Variants in SPTBN4 observed in about 807,000 individuals in gnomAD.
SPTBN4 encodes spectrin beta chain, non-erythrocytic 4.
A neutral mutation model predicts 277.8 loss-of-function variants in SPTBN4; 96 were observed. The observed-to-expected ratio is 0.35, with a 90% confidence interval of 0.29 to 0.41. SPTBN4 has a LOEUF of 0.41. Ranked by LOEUF, SPTBN4 falls within the 10% of genes least tolerant of loss-of-function variation. SPTBN4 has a pLI of 1.00. For synonymous variants in SPTBN4, 1,481 were observed against 1,580.3 expected (o/e 0.94, Z 1.49); for missense variants, 3,006 against 3,595.7 (o/e 0.84, Z 4.19).
intron 7 of SPTBN4, among the ~76,000 whole-genome samples, chr19:40,501,619 G>A (rs2080263887): frequency 6.6e-6 from 1 of 151,936 alleles, no homozygotes; most frequent in Admixed American, 6.6e-5. Flanking sequence ...AGTGAGTTGA[G>A]ATCGTGCCAT....
chr19:40,473,235 A>G (rs1480923359), intron 2 of SPTBN4, among the ~76,000 whole-genome samples: 1 of 151,702 alleles, frequency 6.6e-6, no homozygotes, highest in Non-Finnish European at 1.5e-5. Flanking sequence ...TTTTTAGTAG[A>G]CACCGGGTTT....
chr19:40,523,071 T>A (rs1162903102), intron 16 of SPTBN4, among the ~76,000 whole-genome samples: 2 of 151,738 alleles, frequency 1.3e-5, no homozygotes, highest in African/African-American at 2.4e-5. Context: ...GAGGTGGAGG[T>A]TGCAGTGAGC....
At chr19:40,481,937 C>CT (rs573402326) in intron 2 of SPTBN4, among the ~76,000 whole-genome samples, 9,535 of 144,820 alleles carry the variant, frequency 0.066, 350 homozygotes, top group Middle Eastern at 0.12. Context: ...CCATTCAAGT[C>CT]TTTTTTTTTT....
rs2080956582 is a variant in SPTBN4 at position 40,554,615 on chromosome 19, C to T, written c.5053C>T (p.Arg1685Trp). The change falls in exon 24 of 36, where the codon CGG (arginine) becomes TGG (tryptophan). Residue 1685 changes from arginine to tryptophan, a missense_variant. This residue lies in a region of SPTBN4 where 425 missense variants were observed against 594.7 expected (regional missense o/e 0.71). Transcript: ENST00000598249. The surrounding 1 kb of genome is among the most constrained non-coding windows in gnomAD (Gnocchi z 5.7). ...CATCGCGCAGCTGTCGCGCCAGTGC[C>T]GGGCGCTGCTGGAGATGGGGCACCC... ...ESIAQLSRQC[R>W]ALLEMGHPDS... 3 of 1,575,582 alleles carry T rather than the reference C, an allele frequency of 1.9e-6. No individual in the cohort carries two copies. The highest frequency in any genetic ancestry group is 2.3e-5 in the South Asian group (2 of 85,390).
intron 22 of SPTBN4, among the ~76,000 whole-genome samples, chr19:40,552,624 C>A (rs1186975374): frequency 6.6e-6 from 1 of 152,052 alleles, no homozygotes; most frequent in Non-Finnish European, 1.5e-5. Context: ...GAATAGGGCA[C>A]TGAAGGATGG....
chr19:40,506,942 C>CCA (rs1398574621), intron 13 of SPTBN4, among the ~76,000 whole-genome samples: 14 of 152,146 alleles, frequency 9.2e-5, no homozygotes, highest in South Asian at 2.1e-4. Flanking sequence ...CATGATCATG[C>CCA]CACTACACTC....
intron 4 of SPTBN4, 29 bp from the exon 5 acceptor site, chr19:40,492,934 C>T: frequency 6.2e-7 from 1 of 1,607,160 alleles, no homozygotes; most frequent in Non-Finnish European, 8.5e-7. Context: ...CTCTCCAGGC[C>T]CTGGTAGCCA....
rs117949527 is a variant in SPTBN4 at position 40,560,744 on chromosome 19, A to T, written c.5915+341A>T. 158 of 1,336,982 alleles carry T rather than the reference A, an allele frequency of 1.2e-4. No homozygotes were observed. The highest frequency in any genetic ancestry group is 1.1e-3 in the Middle Eastern group (4 of 3,522). 82.8% of individuals were successfully genotyped at this position (1,336,982 alleles called of 1,614,324 possible). ...TTGTGAGGGTGGGTGAAGAATTCTA[A>T]CAATTCCAGCATCTCAGTGGCTTCA... On this transcript the variant is annotated intron_variant, in intron 27 of 35. Transcript: ENST00000598249. The surrounding 1 kb of genome is among the most constrained non-coding windows in gnomAD (Gnocchi z 5.2).
chr19:40,564,179 AC>A (rs1343669469), intron 27 of SPTBN4, among the ~76,000 whole-genome samples: 1 of 149,468 alleles, frequency 6.7e-6, no homozygotes, highest in Non-Finnish European at 1.5e-5. Flanking sequence ...ACATGTTGAA[AC>A]CCTGTTTCTA....
At position 40,498,132 on chromosome 19, in the gene SPTBN4, C is replaced by T. The variant is rs143902628; in HGVS notation, c.784+528C>T. On this transcript the variant is annotated intron_variant, in intron 7 of 35. Coordinates refer to ENST00000598249, the MANE Select transcript of SPTBN4 (RefSeq NM_020971.3). ...CCCCATGTCTATCTCTCCCACAACTCCATCCTCATCCTCAGCTGCTTTTCC... is the reference window on the plus strand; with the variant it reads ...CCCCATGTCTATCTCTCCCACAACTTCATCCTCATCCTCAGCTGCTTTTCC... 4.6e-5 allele frequency among the ~76,000 whole-genome samples: 7 copies of T among 152,138 alleles called. No homozygotes were observed. The East Asian group carries it at 1.2e-3, about 25-fold the overall frequency.
At chr19:40,507,877 A>G (rs1275267833) in intron 13 of SPTBN4, among the ~76,000 whole-genome samples, 1 of 152,184 alleles carries the variant, frequency 6.6e-6, no homozygotes, top group African/African-American at 2.4e-5. Flanking sequence ...GTCTCTCTCC[A>G]TCACTAGTCT....
At chr19:40,508,508 G>A (rs745793263) in intron 13 of SPTBN4, among the ~76,000 whole-genome samples, 5 of 152,160 alleles carry the variant, frequency 3.3e-5, no homozygotes, top group African/African-American at 4.8e-5. Flanking sequence ...CCAACATGGT[G>A]AAACCCCATC....
intron 2 of SPTBN4, 63 bp from the exon 3 acceptor site, chr19:40,487,634 G>T: frequency 6.4e-7 from 1 of 1,556,480 alleles, no homozygotes. Context: ...GAGCAGGCTT[G>T]GCTCGCGGAG....
At chr19:40,537,341 G>A (rs984659761) in intron 20 of SPTBN4, among the ~76,000 whole-genome samples, 1 of 152,190 alleles carries the variant, frequency 6.6e-6, no homozygotes, top group African/African-American at 2.4e-5. Context: ...GAATAGAAGA[G>A]AGCTAGCTTC....
chr19:40,492,912 C>T (rs531089451), intron 4 of SPTBN4, 51 bp from the exon 5 acceptor site: 33 of 1,536,970 alleles, frequency 2.1e-5, no homozygotes, highest in South Asian at 6.7e-5. Context: ...GGGGGGCATT[C>T]GAAGCCTCAA....
rs112768382 is a variant in SPTBN4 at position 40,495,200 on chromosome 19, T to C, written c.668+223T>C. 9.6e-3 allele frequency among the ~76,000 whole-genome samples: 1,466 copies of C among 152,250 alleles called. 29 individuals are homozygous for C. The highest frequency in any genetic ancestry group is 0.033 in the African/African-American group (1,387 of 41,536). On this transcript the variant is annotated intron_variant, in intron 6 of 35. Transcript: ENST00000598249. Reference sequence around the variant, plus strand: ...AGGCTCCTGTCCAGGCCACATACCCTGTGCACACATGGACACACATGAGCC... The same window carrying C: ...AGGCTCCTGTCCAGGCCACATACCCCGTGCACACATGGACACACATGAGCC...
intron 2 of SPTBN4, among the ~76,000 whole-genome samples, chr19:40,481,925 G>C (rs1285667377): frequency 6.6e-6 from 1 of 151,556 alleles, no homozygotes; most frequent in Non-Finnish European, 1.5e-5. Context: ...TTAGTGAGAT[G>C]GCCATTCAAG....
Position 40,568,105 on chromosome 19 carries a change from A to T in SPTBN4, c.6779A>T (p.Glu2260Val). 6.4e-7 allele frequency: 1 copy of T among 1,569,270 alleles called. No homozygotes were observed. The highest frequency in any genetic ancestry group is 1.2e-5 in the South Asian group (1 of 85,652). The change falls in exon 31 of 36, where the codon GAG (glutamate) becomes GTG (valine). Residue 2260 changes from glutamate (E) to valine (V), a missense_variant. Glu to Val is a moderately radical substitution (Grantham distance 121, BLOSUM62 -2). Around this residue, in one of 5 missense-constraint regions of SPTBN4, gnomAD observed 630 missense variants for 677.6 expected, o/e 0.93. Coordinates refer to ENST00000598249, the MANE Select transcript of SPTBN4 (RefSeq NM_020971.3). Reference sequence around the variant, plus strand: ...CAAGAGTCAGTCGATCAATCCGAGGAGGCTGCGCGGAGGCGGCGGCCGGAG... The same window carrying T: ...CAAGAGTCAGTCGATCAATCCGAGGTGGCTGCGCGGAGGCGGCGGCCGGAG... ...ERQESVDQSEEAARRRRPERQ... is the reference protein window; with the variant it reads ...ERQESVDQSEVAARRRRPERQ...
chr19:40,545,354 A>C (rs1348681518), intron 20 of SPTBN4, among the ~76,000 whole-genome samples: 2 of 152,080 alleles, frequency 1.3e-5, no homozygotes, highest in African/African-American at 4.8e-5. Context: ...TTGGCCTCCC[A>C]AAGTGCTGGG....
Sources: allele counts gnomAD v4.1 joint callset (sites outside exome capture counted in the v4.1 genomes callset), GRCh38; gene constraint gnomAD v4.1.1; regional missense constraint gnomAD v4.1.1; non-coding constraint Gnocchi (gnomAD v3.1); transcripts MANE v1.5; gene names NCBI Gene and HGNC (gene_info 2026-07-23, HGNC 2026-07-21).